SSH2: variants seen among roughly 807,000 people sequenced by gnomAD.
SSH2 encodes slingshot protein phosphatase 2.
SSH2 carries 37 observed loss-of-function variants against 135.2 expected under a neutral mutation model. That is an observed-to-expected ratio of 0.27 (90% CI 0.21 to 0.36). The LOEUF (loss-of-function observed/expected upper bound fraction) is 0.36, where lower values mean the gene tolerates loss of function less well. Among genes scored for constraint, SSH2 ranks in the 10% least tolerant of loss-of-function variants. The pLI, the probability that SSH2 is intolerant of heterozygous loss-of-function variation, is 1.00. For missense variants in SSH2, 1,408 were observed against 1,765.3 expected (o/e 0.80, Z 3.63); for synonymous variants, 628 against 646.2 (o/e 0.97, Z 0.43).
At position 29,631,121 on chromosome 17, in the gene SSH2, T is replaced by G; in HGVS notation, c.4073A>C (p.Glu1358Ala). ...CACTGGCTTGCTCTGCACAATACAC[T>G]CTGTTGTTGTGAGTTGTTCTACAAA... Reference protein sequence around the residue: ...KSFVEQLTTTECIVQSKPVER... With the variant: ...KSFVEQLTTTACIVQSKPVER... Residue 1358 changes from glutamate (E) to alanine (A), a missense_variant, in exon 16 of 16, where the codon GAG becomes GCG. Glu to Ala is a moderately radical substitution (Grantham distance 107). Coordinates refer to ENST00000540801, the MANE Select transcript of SSH2 (RefSeq NM_001282129.2). 6.2e-7 allele frequency: 1 copy of G among 1,614,186 alleles called. No individual in the cohort carries two copies. Among genetic ancestry groups the G allele is most frequent in the Non-Finnish European group, 8.5e-7 (1 of 1,180,034 alleles).
At chr17:29,777,923 C>G (rs1459550431) in intron 3 of SSH2, among the ~76,000 whole-genome samples, 1 of 151,718 alleles carries the variant, frequency 6.6e-6, no homozygotes, top group African/African-American at 2.4e-5. Context: ...ATCCTCTCAA[C>G]TGTTCCTCAA....
At chr17:29,652,104 T>C (rs1343674886) in intron 12 of SSH2, among the ~76,000 whole-genome samples, 1 of 152,032 alleles carries the variant, frequency 6.6e-6, no homozygotes, top group Non-Finnish European at 1.5e-5. Context: ...ATTGCGCCAT[T>C]GCACTCCAGT....
At chr17:29,783,150 G>C (rs983711259) in intron 3 of SSH2, among the ~76,000 whole-genome samples, 1 of 151,966 alleles carries the variant, frequency 6.6e-6, no homozygotes, top group Admixed American at 6.6e-5. Flanking sequence ...GTCAGTTCCT[G>C]AGTGGGGGCC....
intron 1 of SSH2, among the ~76,000 whole-genome samples, chr17:29,849,336 G>A (rs1357568247): frequency 3.3e-5 from 5 of 152,158 alleles, no homozygotes; most frequent in Admixed American, 1.3e-4. Context: ...AAAATTAGCC[G>A]GGTGTGGTGG....
chr17:29,918,519 A>G (rs922064598), intron 1 of SSH2, among the ~76,000 whole-genome samples: 5 of 152,232 alleles, frequency 3.3e-5, no homozygotes, highest in African/African-American at 1.2e-4. Flanking sequence ...AAAATTCAGA[A>G]GAAATTATCT....
At chr17:29,761,962 C>T (rs1383821040) in intron 3 of SSH2, among the ~76,000 whole-genome samples, 2 of 151,264 alleles carry the variant, frequency 1.3e-5, no homozygotes, top group Non-Finnish European at 2.9e-5. Context: ...TTCACTGCAA[C>T]CTCCGCCTCC....
intron 3 of SSH2, among the ~76,000 whole-genome samples, chr17:29,730,753 C>T (rs1005402503): frequency 6.6e-6 from 1 of 152,106 alleles, no homozygotes; most frequent in African/African-American, 2.4e-5. Context: ...GTGATTATTA[C>T]ACATTGCATG....
At chr17:29,694,628 C>T (rs1281078900) in intron 5 of SSH2, among the ~76,000 whole-genome samples, 1 of 152,144 alleles carries the variant, frequency 6.6e-6, no homozygotes, top group Non-Finnish European at 1.5e-5. Context: ...GAGATTGTGC[C>T]ACTGCACTCC....
intron 14 of SSH2, among the ~76,000 whole-genome samples, chr17:29,640,235 C>T (rs569775736): frequency 5.3e-5 from 8 of 152,222 alleles, no homozygotes; most frequent in East Asian, 3.9e-4. Flanking sequence ...CCCGCCACCA[C>T]GCCTGGCTAT....
At chr17:29,652,064 C>T (rs936609057) in intron 12 of SSH2, among the ~76,000 whole-genome samples, 5 of 152,096 alleles carry the variant, frequency 3.3e-5, no homozygotes, top group African/African-American at 1.2e-4. Context: ...ATTGCTTGAA[C>T]CCGGGAGGCG....
intron 3 of SSH2, among the ~76,000 whole-genome samples, chr17:29,775,349 C>T (rs982027586): frequency 8.1e-5 from 12 of 149,038 alleles, no homozygotes; most frequent in African/African-American, 2.7e-4. Context: ...AGTGCACTGG[C>T]GCAATCTTGG....
At chr17:29,912,063 G>A (rs2066775207) in intron 1 of SSH2, among the ~76,000 whole-genome samples, 2 of 152,254 alleles carry the variant, frequency 1.3e-5, no homozygotes, top group Admixed American at 6.5e-5. Flanking sequence ...GAGACTTAAA[G>A]AGAAAGCTAC....
At chr17:29,801,929 G>A (rs1046115374) in intron 2 of SSH2, among the ~76,000 whole-genome samples, 1 of 152,226 alleles carries the variant, frequency 6.6e-6, no homozygotes, top group African/African-American at 2.4e-5. Context: ...CTCAGGAGTA[G>A]CCTGTGGCTA....
At chr17:29,892,562 TG>T (rs1158773093) in intron 1 of SSH2, among the ~76,000 whole-genome samples, 1 of 152,158 alleles carries the variant, frequency 6.6e-6, no homozygotes, top group Non-Finnish European at 1.5e-5. Context: ...CAAGTTGGTC[TG>T]AAGGTTGTGG....
intron 3 of SSH2, among the ~76,000 whole-genome samples, chr17:29,774,596 G>A (rs1002948724): frequency 6.6e-5 from 10 of 152,172 alleles, no homozygotes; most frequent in African/African-American, 2.4e-4. Context: ...TGCATACTTC[G>A]TGGAGGAAAG....
At chr17:29,703,410 C>A (rs2151126529) in intron 3 of SSH2, among the ~76,000 whole-genome samples, 1 of 151,860 alleles carries the variant, frequency 6.6e-6, no homozygotes, top group Non-Finnish European at 1.5e-5. Flanking sequence ...CCACCACACC[C>A]AGCTAATTTT....
In SSH2 at chr17:29,631,945, C is replaced by T; in HGVS notation, c.3249G>A (p.Leu1083=). 1 of 1,614,170 alleles carries T rather than the reference C, an allele frequency of 6.2e-7. No homozygotes were observed. The highest frequency in any genetic ancestry group is 1.1e-5 in the South Asian group (1 of 91,088). ...CCAGAGTCCTGTTTAGATTTTCATCCAGTGTGCAGAGCACAGTGACAGATT... is the reference window on the plus strand; with the variant it reads ...CCAGAGTCCTGTTTAGATTTTCATCTAGTGTGCAGAGCACAGTGACAGATT... ...MEKSVTVLCT[L]DENLNRTLDP... is the part of the protein sequence containing the mutation. The change falls in exon 16 of 16, where the codon CTG becomes CTA. Residue 1083 remains leucine, a synonymous_variant. Coordinates refer to ENST00000540801, the MANE Select transcript of SSH2 (RefSeq NM_001282129.2).
chr17:29,635,873 C>T, intron 15 of SSH2, 95 bp downstream of exon 15: 1 of 990,060 alleles, frequency 1.0e-6, no homozygotes, highest in Non-Finnish European at 1.5e-6. Context: ...AAACCTCAGC[C>T]AGACTCTCCA....
intron 5 of SSH2, among the ~76,000 whole-genome samples, chr17:29,692,166 TAAA>T (rs11346647): frequency 7.1e-4 from 104 of 145,512 alleles, no homozygotes; most frequent in African/African-American, 2.6e-3. Context: ...AAATAAAAAA[TAAA>T]AAAAAAAAAA....
Sources: allele counts gnomAD v4.1 joint callset (sites outside exome capture counted in the v4.1 genomes callset), GRCh38; gene constraint gnomAD v4.1.1; transcripts MANE v1.5; gene names NCBI Gene and HGNC (gene_info 2026-07-23, HGNC 2026-07-21).